Variants in RIPOR3 observed in about 807,000 individuals in gnomAD.
RIPOR3 encodes the protein RIPOR family member 3.
A neutral mutation model predicts 114.3 loss-of-function variants in RIPOR3; 95 were observed. That is an observed-to-expected ratio of 0.83 (90% confidence interval 0.70 to 0.99). RIPOR3 has a LOEUF of 0.99. Ranked by LOEUF, RIPOR3 falls within the 50% of genes least tolerant of loss-of-function variation. The pLI is 0.00. For synonymous variants in RIPOR3, 575 were observed against 543.8 expected (o/e 1.06, Z -0.80); for missense variants, 1,252 against 1,266.9 (o/e 0.99, Z 0.18).
rs76862921 is a variant in RIPOR3, at chr20:50,597,681, C to T, written c.1689G>A (p.Ser563=). 2.3e-3 allele frequency: 3,632 copies of T among 1,611,798 alleles called. 68 individuals are homozygous for T. The African/African-American group carries it at 0.038, about 17-fold the overall frequency. ...KPCRARQEHT[S]AESLMECILE... ...GGATGCACTCCATCAGGCTCTCGGCCGAGGTGTGCTCCTGCCGTGCTCTGC... is the reference window on the plus strand; with the variant it reads ...GGATGCACTCCATCAGGCTCTCGGCTGAGGTGTGCTCCTGCCGTGCTCTGC... Residue 563 remains serine (S), a synonymous_variant, in exon 14 of 22, where the codon TCG becomes TCA. Transcript: ENST00000327979.
At chr20:50,618,623 C>T (rs2084275540) in intron 3 of RIPOR3, among the ~76,000 whole-genome samples, 1 of 152,214 alleles carries the variant, frequency 6.6e-6, no homozygotes, top group Non-Finnish European at 1.5e-5. Flanking sequence ...GGCCTGTTTT[C>T]CTCTGTGGCC....
At chr20:50,620,715 T>C in intron 2 of RIPOR3, 1 of 375,240 alleles carries the variant, frequency 2.7e-6, no homozygotes, top group Non-Finnish European at 4.8e-6. Context: ...AAAAGAAGAG[T>C]AATAAAGCTT....
chr20:50,687,676 T>C (rs1600787381), intron 1 of RIPOR3, among the ~76,000 whole-genome samples: 1 of 152,044 alleles, frequency 6.6e-6, no homozygotes. Flanking sequence ...CTGAGGTAGG[T>C]GGATCACTTG....
At position 50,592,344 on chromosome 20, in the gene RIPOR3, C is replaced by A; in HGVS notation, c.2577G>T (p.Lys859Asn). The A allele has an allele frequency of 6.4e-7, 1 of 1,568,486 alleles. No homozygotes were observed. The highest frequency in any genetic ancestry group is 1.2e-5 in the South Asian group (1 of 86,142). ...CTGCCACCTGCCCTGGACAACGTAC[C>A]TTTTCCCGGAAGCTTCTGTTCCTGA... Reference protein sequence around the residue: ...GAVRNRSFREKALLFYTNALA... With the variant: ...GAVRNRSFRENALLFYTNALA... Residue 859 changes from lysine (K) to asparagine (N), a missense_variant and splice_region_variant, in exon 19 of 22, where the codon AAG becomes AAT. Physicochemically the swap from Lys to Asn is moderately conservative, Grantham distance 94. Transcript: ENST00000327979.
In RIPOR3 at chr20:50,636,912, C is replaced by G. The variant is rs999663486; in HGVS notation, c.4-6056G>C. The G allele has an allele frequency of 1.5e-5, 15 of 985,380 alleles. No homozygotes were observed. In the African/African-American group the frequency reaches 2.6e-4, roughly 17 times the overall value. 61.0% of individuals were successfully genotyped at this position (985,380 alleles called of 1,614,324 possible). A position where few individuals can be genotyped will look rare whatever the true frequency, so the allele number is the denominator to read the frequency against. On this transcript the variant is annotated intron_variant, in intron 1 of 21. Transcript: ENST00000327979. ...GTTATGGGCTTTTGGGGCTGGGTGG[C>G]TTTTATGCCTGAGTCCCTCACTTAG... is the stretch of plus-strand genomic sequence containing the variant.
intron 13 of RIPOR3, among the ~76,000 whole-genome samples, chr20:50,598,198 C>T (rs1004792012): frequency 6.6e-6 from 1 of 151,596 alleles, no homozygotes; most frequent in African/African-American, 2.4e-5. Flanking sequence ...GTCAGGCAAA[C>T]GCTTCTTCAC....
intron 1 of RIPOR3, among the ~76,000 whole-genome samples, chr20:50,677,821 C>T (rs770754232): frequency 4.3e-4 from 66 of 152,002 alleles, no homozygotes; most frequent in Non-Finnish European, 7.2e-4. Context: ...AGGCACGTGC[C>T]ACCACGCCCA....
chr20:50,687,198 C>T (rs1049030364), intron 1 of RIPOR3, among the ~76,000 whole-genome samples: 10 of 152,198 alleles, frequency 6.6e-5, no homozygotes, highest in African/African-American at 1.7e-4. Flanking sequence ...ACACAGTGGA[C>T]GCAATGGAGA....
intron 12 of RIPOR3, among the ~76,000 whole-genome samples, chr20:50,603,395 C>T (rs912594917): frequency 5.3e-5 from 8 of 152,160 alleles, no homozygotes; most frequent in African/African-American, 1.2e-4. Flanking sequence ...CACTCCATGA[C>T]GCCTGGCTAA....
At chr20:50,660,946 A>T (rs1037737965) in intron 1 of RIPOR3, among the ~76,000 whole-genome samples, 67 of 151,208 alleles carry the variant, frequency 4.4e-4, no homozygotes, top group African/African-American at 1.5e-3. Context: ...AAAAAAAAAA[A>T]TTTTGTAGAG....
In RIPOR3 at chr20:50,621,169, T is replaced by C. The variant is rs2084390124; in HGVS notation, c.123-1037A>G. The C allele has an allele frequency of 9.8e-5, 34 of 348,526 alleles. 2 individuals are homozygous for C. The highest frequency in any genetic ancestry group is 8.2e-4 in the South Asian group (34 of 41,290). The allele number at this position is 348,526 out of a possible 1,614,324, so 21.6% of individuals were successfully genotyped here. ...TAAAAATCTGGTATCAGAAATGAAC[T>C]TACAGGAAGAAATACAGTCAAGTAG... On this transcript the variant is annotated intron_variant, in intron 2 of 21. Transcript: ENST00000327979.
chr20:50,618,481 G>A (rs537021092), intron 3 of RIPOR3, among the ~76,000 whole-genome samples: 1 of 152,204 alleles, frequency 6.6e-6, no homozygotes, highest in South Asian at 2.1e-4. Context: ...GGGCCTTTGT[G>A]TATGTGGCTA....
chr20:50,604,357 T>C (rs1239727387), intron 12 of RIPOR3, among the ~76,000 whole-genome samples: 2 of 152,198 alleles, frequency 1.3e-5, no homozygotes, highest in Non-Finnish European at 2.9e-5. Flanking sequence ...CAAGTACTAC[T>C]ACTAGAAACG....
chr20:50,672,730 C>T (rs1249975560), intron 1 of RIPOR3, among the ~76,000 whole-genome samples: 2 of 152,202 alleles, frequency 1.3e-5, no homozygotes, highest in African/African-American at 2.4e-5. Context: ...CACCTGCATG[C>T]ACGTCACAGT....
intron 14 of RIPOR3, 99 bp downstream of exon 14, chr20:50,597,481 T>G: frequency 6.7e-7 from 1 of 1,481,584 alleles, no homozygotes; most frequent in Non-Finnish European, 9.1e-7. Flanking sequence ...CCAAGGACAG[T>G]GGGAGAAACA....
chr20:50,686,277 C>T (rs370675114), intron 1 of RIPOR3, among the ~76,000 whole-genome samples: 4 of 151,760 alleles, frequency 2.6e-5, no homozygotes, highest in South Asian at 2.1e-4. Flanking sequence ...AGGATGGTCT[C>T]GATCTCCTGA....
chr20:50,664,837 C>G (rs562497292), intron 1 of RIPOR3, among the ~76,000 whole-genome samples: 75 of 152,174 alleles, frequency 4.9e-4, no homozygotes, highest in Non-Finnish European at 8.8e-4. Context: ...CACGGTGGCT[C>G]ACACCTGTAA....
chr20:50,595,590 G>A (rs1162951003), intron 15 of RIPOR3, 86 bp from the exon 16 acceptor site: 10 of 1,551,114 alleles, frequency 6.4e-6, no homozygotes, highest in Non-Finnish European at 8.8e-6. Context: ...ACCTGCTTGT[G>A]CCCATCTCTT....
At chr20:50,661,136 G>T (rs2085981101) in intron 1 of RIPOR3, among the ~76,000 whole-genome samples, 1 of 152,100 alleles carries the variant, frequency 6.6e-6, no homozygotes, top group South Asian at 2.1e-4. Context: ...TACTCGGGAG[G>T]CTGAGGCAGG....
Sources: allele counts gnomAD v4.1 joint callset (sites outside exome capture counted in the v4.1 genomes callset), GRCh38; gene constraint gnomAD v4.1.1; transcripts MANE v1.5; gene names NCBI Gene and HGNC (gene_info 2026-07-23, HGNC 2026-07-21).